The following LRP1B variants were observed in gnomAD, a reference collection of about 807,000 sequenced individuals.
LRP1B encodes LDL receptor related protein 1B.
In LRP1B, 217 loss-of-function variants were observed where a neutral mutation model predicts 556.6. That is an observed-to-expected ratio of 0.39 (90% CI 0.35 to 0.44). The LOEUF is 0.44. Ranked by LOEUF, LRP1B falls within the 20% of genes least tolerant of loss-of-function variation. LRP1B has a pLI of 1.00. For synonymous variants in LRP1B, 2,047 were observed against 1,865.8 expected (o/e 1.10, Z -2.50); for missense variants, 5,053 against 5,620.8 (o/e 0.90, Z 3.23).
intron 20 of LRP1B, among the ~76,000 whole-genome samples, chr2:140,942,396 A>G (rs770011160): frequency 1.3e-5 from 2 of 152,110 alleles, no homozygotes; most frequent in Non-Finnish European, 2.9e-5. Context: ...AATTTCCCCA[A>G]TCTTACAAGA....
At chr2:141,767,521 C>T (rs80013865) in intron 2 of LRP1B, among the ~76,000 whole-genome samples, 6,799 of 151,910 alleles carry the variant, frequency 0.045, 254 homozygotes, top group East Asian at 0.11. Context: ...ATGAATAGAC[C>T]GTTCATTTCT....
At position 140,475,328 on chromosome 2, in the gene LRP1B, A is replaced by G; in HGVS notation, c.9435T>C (p.Tyr3145=). 2 of 1,600,194 alleles carry G rather than the reference A, an allele frequency of 1.2e-6. No homozygotes were observed. Among genetic ancestry groups the G allele is most frequent in the South Asian group, 2.2e-5 (2 of 89,478 alleles). ...LSLDPQAGYL[Y]WIDCCEYPHI... Reference sequence around the variant, plus strand: ...GAGGATACTCGCAGCAGTCAATCCAATACAAATATCTAGGAAAGAAAATCA... The same window carrying G: ...GAGGATACTCGCAGCAGTCAATCCAGTACAAATATCTAGGAAAGAAAATCA... Residue 3145 remains tyrosine (Y), a synonymous_variant, in exon 60 of 91, where the codon TAT becomes TAC. Transcript: ENST00000389484.
At chr2:140,727,454 G>T (rs1348858711) in intron 35 of LRP1B, among the ~76,000 whole-genome samples, 1 of 152,162 alleles carries the variant, frequency 6.6e-6, no homozygotes, top group Non-Finnish European at 1.5e-5. Context: ...TCTGGAGGAG[G>T]CTATGAAAGT....
chr2:140,370,917 C>A, intron 70 of LRP1B, 75 bp from the exon 71 acceptor site: 1 of 1,459,216 alleles, frequency 6.9e-7, no homozygotes, highest in Non-Finnish European at 9.5e-7. Context: ...AAACATGCAG[C>A]TTGTAATACT....
chr2:141,345,164 C>T (rs1441398747), intron 3 of LRP1B, among the ~76,000 whole-genome samples: 2 of 148,148 alleles, frequency 1.3e-5, no homozygotes, highest in African/African-American at 2.5e-5. Context: ...TTTTAGAAGC[C>T]AGGAAAAAAA....
At chr2:141,899,187 A>G (rs1699544123) in intron 1 of LRP1B, among the ~76,000 whole-genome samples, 1 of 152,178 alleles carries the variant, frequency 6.6e-6, no homozygotes, top group East Asian at 1.9e-4. Context: ...AGACAAGCTA[A>G]TAAAAAGCTT....
At chr2:140,902,013 T>G (rs1396753297) in intron 23 of LRP1B, among the ~76,000 whole-genome samples, 3 of 152,186 alleles carry the variant, frequency 2.0e-5, no homozygotes, top group African/African-American at 7.2e-5. Context: ...AACTATAATG[T>G]GATATGAATA....
intron 18 of LRP1B, among the ~76,000 whole-genome samples, chr2:140,974,177 C>A (rs1696520042): frequency 1.3e-5 from 2 of 152,146 alleles, no homozygotes; most frequent in Admixed American, 1.3e-4. Context: ...CAGATCTTAG[C>A]TCCATGAAGA....
chr2:140,550,016 C>G (rs1279016130), intron 43 of LRP1B, among the ~76,000 whole-genome samples: 1 of 152,036 alleles, frequency 6.6e-6, no homozygotes, highest in Non-Finnish European at 1.5e-5. Flanking sequence ...TAGCCCCCAC[C>G]CTCTGACGGG....
At chr2:140,403,511 A>C (rs1279304259) in intron 66 of LRP1B, among the ~76,000 whole-genome samples, 2 of 152,226 alleles carry the variant, frequency 1.3e-5, no homozygotes, top group Admixed American at 6.5e-5. Flanking sequence ...GACTAGAACT[A>C]GTAGAAGAAG....
At chr2:140,233,356 T>G (rs752691471) in intron 90 of LRP1B, 30 bp from the exon 91 acceptor site, 3 of 1,511,450 alleles carry the variant, frequency 2.0e-6, no homozygotes, top group Non-Finnish European at 1.8e-6. Flanking sequence ...AATATAATTT[T>G]ATTACTGGTC....
intron 66 of LRP1B, among the ~76,000 whole-genome samples, chr2:140,436,647 G>C (rs1038938793): frequency 4.7e-5 from 7 of 149,606 alleles, no homozygotes; most frequent in African/African-American, 1.7e-4. Context: ...GTGAGAAGTA[G>C]AGAAAGTGTC....
In LRP1B at chr2:141,435,909, C is replaced by T. The variant is rs62168027; in HGVS notation, c.343+44487G>A. Among the ~76,000 whole-genome samples, 553 of 152,244 alleles carry T rather than the reference C, an allele frequency of 3.6e-3. 5 individuals are homozygous for T. The highest frequency in any genetic ancestry group is 6.0e-3 in the Non-Finnish European group (411 of 68,016). Reference sequence around the variant, plus strand: ...AGGAGAAACACTGGCATTCTACCCTCCTGGGTGAAACTGTGGCCCCCAGAC... The same window carrying T: ...AGGAGAAACACTGGCATTCTACCCTTCTGGGTGAAACTGTGGCCCCCAGAC... On this transcript the variant is annotated intron_variant, in intron 3 of 90. Transcript: ENST00000389484.
At chr2:141,040,035 C>T (rs1698651495) in intron 11 of LRP1B, among the ~76,000 whole-genome samples, 1 of 152,038 alleles carries the variant, frequency 6.6e-6, no homozygotes, top group Non-Finnish European at 1.5e-5. Context: ...TCTTGACACT[C>T]AGTGTGATAA....
chr2:140,798,567 G>A (rs568753327), intron 32 of LRP1B, among the ~76,000 whole-genome samples: 2 of 152,110 alleles, frequency 1.3e-5, no homozygotes, highest in Admixed American at 6.6e-5. Flanking sequence ...GTTAGAAGGG[G>A]TATTTTTTGT....
intron 59 of LRP1B, among the ~76,000 whole-genome samples, chr2:140,481,579 TTA>T (rs1420373201): frequency 1.3e-4 from 2 of 15,448 alleles, no homozygotes; most frequent in African/African-American, 3.8e-4. Context: ...GTAGCCATCT[TTA>T]TTATTATTAT....
intron 84 of LRP1B, among the ~76,000 whole-genome samples, chr2:140,277,608 C>A (rs1397791943): frequency 2.0e-5 from 3 of 151,808 alleles, no homozygotes; most frequent in African/African-American, 4.8e-5. Context: ...GAAACTCTAT[C>A]TCTAAATAAA....
intron 3 of LRP1B, among the ~76,000 whole-genome samples, chr2:141,383,083 A>G (rs1350756991): frequency 6.6e-6 from 1 of 152,240 alleles, no homozygotes; most frequent in Non-Finnish European, 1.5e-5. Context: ...CATTTTCCAA[A>G]GAAGACATAC....
chr2:141,988,392 G>A (rs1702259344), intron 1 of LRP1B, among the ~76,000 whole-genome samples: 1 of 151,728 alleles, frequency 6.6e-6, no homozygotes, highest in South Asian at 2.1e-4. Context: ...GAGACTGTTG[G>A]CTCATAAAAT....
Sources: gnomAD v4.1 joint callset for allele counts (sites outside exome capture counted in the v4.1 genomes callset) on GRCh38, gnomAD v4.1.1 for gene constraint, MANE v1.5 for transcripts, NCBI Gene and HGNC (gene_info 2026-07-23, HGNC 2026-07-21) for gene names.